WFDC1: variants seen among roughly 807,000 people sequenced by gnomAD.
The protein encoded by WFDC1 is WAP four-disulfide core domain protein 1.
Under a neutral mutation model 32.9 loss-of-function variants are expected in WFDC1, and 39 were observed. The observed-to-expected ratio is 1.19, with a 90% CI of 0.92 to 1.55. WFDC1 has a LOEUF of 1.55. WFDC1 is among the 40% of genes most tolerant of loss of function. The pLI, the probability that WFDC1 is intolerant of heterozygous loss-of-function variation, is 0.00. For synonymous variants in WFDC1, 184 were observed against 137.4 expected, an observed-to-expected ratio of 1.34 and a Z score of -2.37; for missense variants, 386 against 309.5, an observed-to-expected ratio of 1.25 and a Z score of -1.85.
At chr16:84,317,798 T>A (rs1424445425) in intron 2 of WFDC1, 2 of 163,710 alleles carry the variant, frequency 1.2e-5, no homozygotes, top group Admixed American at 5.7e-5. Flanking sequence ...AGGCATTTTC[T>A]TCTCTCTCAG....
At chr16:84,303,282 A>T (rs1438829689) in intron 1 of WFDC1, among the ~76,000 whole-genome samples, 4 of 151,886 alleles carry the variant, frequency 2.6e-5, no homozygotes, top group African/African-American at 9.7e-5. Flanking sequence ...GTGCATTTTT[A>T]TTGGTCTGGC....
chr16:84,305,664 G>T (rs1463982775), intron 1 of WFDC1, among the ~76,000 whole-genome samples: 1 of 151,970 alleles, frequency 6.6e-6, no homozygotes, highest in East Asian at 1.9e-4. Context: ...AAGATATGAA[G>T]AATGAAGTTA....
In WFDC1 at chr16:84,308,554, T is replaced by C. The variant is rs190134193; in HGVS notation, c.145-4407T>C. Among the ~76,000 whole-genome samples the C allele has an allele frequency of 5.1e-4, 77 of 152,348 alleles. 1 individual carries two copies. Among genetic ancestry groups the C allele is most frequent in the Non-Finnish European group, 8.8e-4 (60 of 68,028 alleles). ...GGGTGATTTGGCCAATTGAAGCTGA[T>C]GGGAGGCCTTCCAGGCAGAGGACCA... On this transcript the variant is annotated intron_variant, in intron 1 of 6. Transcript: ENST00000219454.
chr16:84,302,829 G>A (rs562789838), intron 1 of WFDC1, among the ~76,000 whole-genome samples: 1 of 152,234 alleles, frequency 6.6e-6, no homozygotes, highest in East Asian at 1.9e-4. Context: ...CCCATTTCCA[G>A]CCCAGCGCCC....
At chr16:84,327,305 C>A in intron 6 of WFDC1, 1 of 230,128 alleles carries the variant, frequency 4.3e-6, no homozygotes, top group Non-Finnish European at 8.7e-6. Flanking sequence ...ATCCTCCTGC[C>A]TCAGCTTTAG....
At chr16:84,327,517 C>T (rs1021226662) in intron 6 of WFDC1, 4 of 152,586 alleles carry the variant, frequency 2.6e-5, no homozygotes, top group African/African-American at 9.7e-5. Context: ...TGTTTATATC[C>T]ATTAGCCTAT....
At chr16:84,318,594 C>T (rs1483138548) in intron 3 of WFDC1, 1 of 441,946 alleles carries the variant, frequency 2.3e-6, no homozygotes, top group African/African-American at 2.0e-5. Context: ...ATGGAGCCTC[C>T]TCCTGGATGG....
intron 1 of WFDC1, among the ~76,000 whole-genome samples, chr16:84,301,107 G>T (rs1276454760): frequency 6.6e-6 from 1 of 152,130 alleles, no homozygotes; most frequent in East Asian, 1.9e-4. Flanking sequence ...AGAACATGAG[G>T]GACTGCCAGC....
chr16:84,309,666 G>A (rs562028664), intron 1 of WFDC1, among the ~76,000 whole-genome samples: 3 of 152,184 alleles, frequency 2.0e-5, no homozygotes, highest in East Asian at 3.9e-4. Flanking sequence ...CAGCTTCACT[G>A]GACTGAGATC....
At chr16:84,322,094 A>T (rs1908331632) in intron 4 of WFDC1, among the ~76,000 whole-genome samples, 1 of 151,910 alleles carries the variant, frequency 6.6e-6, no homozygotes, top group Non-Finnish European at 1.5e-5. Flanking sequence ...TACCCAAAAG[A>T]TGCAGAGCTG....
intron 1 of WFDC1, among the ~76,000 whole-genome samples, chr16:84,306,074 G>T (rs1330462751): frequency 1.3e-5 from 2 of 151,846 alleles, no homozygotes; most frequent in African/African-American, 2.4e-5. Context: ...GGTGAACTAT[G>T]GATTAGCATT....
intron 4 of WFDC1, among the ~76,000 whole-genome samples, chr16:84,320,227 T>C (rs972011427): frequency 1.3e-5 from 2 of 152,258 alleles, no homozygotes; most frequent in African/African-American, 4.8e-5. Context: ...GTAAGTGTTC[T>C]GAGCACAGTT....
chr16:84,297,180 T>C (rs1048578526), intron 1 of WFDC1, among the ~76,000 whole-genome samples: 29 of 152,288 alleles, frequency 1.9e-4, no homozygotes, highest in African/African-American at 7.0e-4. Context: ...CTGGGTGGGC[T>C]GCAGGAGCTG....
intron 1 of WFDC1, among the ~76,000 whole-genome samples, chr16:84,304,323 G>A (rs1907118510): frequency 6.6e-6 from 1 of 152,186 alleles, no homozygotes; most frequent in Non-Finnish European, 1.5e-5. Flanking sequence ...CTGCCTGCGT[G>A]GTTCAAATGA....
intron 6 of WFDC1, chr16:84,328,492 C>T (rs1908733099): frequency 6.6e-6 from 1 of 152,134 alleles, no homozygotes; most frequent in Admixed American, 6.5e-5. Flanking sequence ...AATCTGGAGC[C>T]CGTAGGGACT....
At chr16:84,306,742 G>A (rs577696511) in intron 1 of WFDC1, among the ~76,000 whole-genome samples, 7 of 148,624 alleles carry the variant, frequency 4.7e-5, no homozygotes, top group Admixed American at 2.0e-4. Flanking sequence ...AAACTGCCAG[G>A]GTGTGTTGAC....
intron 1 of WFDC1, among the ~76,000 whole-genome samples, chr16:84,304,832 G>T (rs1418227891): frequency 6.6e-6 from 1 of 152,174 alleles, no homozygotes; most frequent in Non-Finnish European, 1.5e-5. Context: ...GTACCTGGGG[G>T]CCCCCATTTT....
At chr16:84,315,621 G>A (rs776892095) in intron 2 of WFDC1, among the ~76,000 whole-genome samples, 12 of 152,304 alleles carry the variant, frequency 7.9e-5, no homozygotes, top group Non-Finnish European at 1.5e-4. Flanking sequence ...GGGCAGGGGG[G>A]CGCTCTCCCG....
chr16:84,306,667 C>T (rs1907278214), intron 1 of WFDC1, among the ~76,000 whole-genome samples: 1 of 152,244 alleles, frequency 6.6e-6, no homozygotes, highest in African/African-American at 2.4e-5. Context: ...GCAGAACCCA[C>T]TGCACAGGGC....
Sources: gnomAD v4.1 joint callset for allele counts (sites outside exome capture counted in the v4.1 genomes callset) on GRCh38, gnomAD v4.1.1 for gene constraint, MANE v1.5 for transcripts, NCBI Gene and HGNC (gene_info 2026-07-23, HGNC 2026-07-21) for gene names.